Variants in GRIN2A observed in about 807,000 individuals in gnomAD.
GRIN2A encodes glutamate ionotropic receptor NMDA type subunit 2A.
A neutral mutation model predicts 113.4 loss-of-function variants in GRIN2A; 22 were observed. The ratio of observed to expected loss-of-function variants is 0.19; its 90% confidence interval spans 0.14 to 0.28. The LOEUF (loss-of-function observed/expected upper bound fraction) is 0.28, where lower values mean the gene tolerates loss of function less well. Among genes scored for constraint, GRIN2A ranks in the 10% least tolerant of loss-of-function variants. GRIN2A has a pLI of 1.00. For synonymous variants in GRIN2A, 827 were observed against 738.4 expected, an observed-to-expected ratio of 1.12 and a Z score of -1.94; for missense variants, 1,502 against 1,887.0, an observed-to-expected ratio of 0.80 and a Z score of 3.78.
At chr16:9,974,176 T>A (rs2045730356) in intron 2 of GRIN2A, among the ~76,000 whole-genome samples, 1 of 152,108 alleles carries the variant, frequency 6.6e-6, no homozygotes, top group Admixed American at 6.5e-5. Context: ...ACAGGCCCTC[T>A]CACATTGTTT....
intron 11 of GRIN2A, among the ~76,000 whole-genome samples, chr16:9,769,927 T>A (rs1337747818): frequency 1.3e-5 from 2 of 152,184 alleles, no homozygotes; most frequent in Non-Finnish European, 2.9e-5. Flanking sequence ...AAACTTTAAT[T>A]GAAAAGAGAC....
rs1306871272 is a variant in GRIN2A, at chr16:9,973,352, C to A, written c.415-34801G>T. 2.0e-5 allele frequency among the ~76,000 whole-genome samples: 3 copies of A among 152,184 alleles called. No individual in the cohort carries two copies. The East Asian group carries it at 5.8e-4, about 29-fold the overall frequency. The stretch of plus-strand genomic sequence containing the variant: ...TTTCTCTGAAGGTTATTTTGGCCTA[C>A]ACCTCCGCCCAGGAAAAACAAGGAC... On this transcript the variant is annotated intron_variant, in intron 2 of 12. Coordinates refer to ENST00000330684, the MANE Select transcript of GRIN2A (RefSeq NM_001134407.3).
intron 5 of GRIN2A, among the ~76,000 whole-genome samples, chr16:9,847,601 A>T (rs998072841): frequency 1.3e-5 from 2 of 151,210 alleles, no homozygotes; most frequent in African/African-American, 4.8e-5. Context: ...TATTTTTAAC[A>T]CATAAAAATA....
At chr16:10,043,666 C>A (rs2047205494) in intron 2 of GRIN2A, among the ~76,000 whole-genome samples, 1 of 152,044 alleles carries the variant, frequency 6.6e-6, no homozygotes, top group African/African-American at 2.4e-5. Context: ...TACTGATAAC[C>A]AGAACCACAC....
At chr16:9,776,229 A>C (rs1362319) in intron 11 of GRIN2A, among the ~76,000 whole-genome samples, 54,057 of 151,256 alleles carry the variant, frequency 0.36, 10,968 homozygotes, top group East Asian at 0.55. Flanking sequence ...CCCTGAAGGC[A>C]CAGGAATGTA....
At chr16:9,775,607 A>T (rs1901546906) in intron 11 of GRIN2A, among the ~76,000 whole-genome samples, 1 of 152,236 alleles carries the variant, frequency 6.6e-6, no homozygotes, top group Non-Finnish European at 1.5e-5. Context: ...AGAGCAGTTC[A>T]GGATTTCTGG....
intron 3 of GRIN2A, among the ~76,000 whole-genome samples, chr16:9,893,442 G>A (rs2043737753): frequency 6.6e-6 from 1 of 151,940 alleles, no homozygotes; most frequent in Non-Finnish European, 1.5e-5. Context: ...TCACTTCCTA[G>A]AAAGGTTTTT....
At chr16:10,060,438 G>A (rs1013084186) in intron 2 of GRIN2A, among the ~76,000 whole-genome samples, 1 of 152,148 alleles carries the variant, frequency 6.6e-6, no homozygotes, top group South Asian at 2.1e-4. Flanking sequence ...CCTACTTAGG[G>A]TTCCTCCGCT....
chr16:10,084,631 G>A (rs1379608731), intron 2 of GRIN2A, among the ~76,000 whole-genome samples: 1 of 152,074 alleles, frequency 6.6e-6, no homozygotes, highest in African/African-American at 2.4e-5. Context: ...TTCTCAGCTG[G>A]TGTCATCTCC....
At position 9,759,788 on chromosome 16, in the gene GRIN2A, C is replaced by T. The variant is rs957422522; in HGVS notation, c.*3361G>A. 1.3e-5 allele frequency: 3 copies of T among 228,566 alleles called. No homozygotes were observed. Among genetic ancestry groups the T allele is most frequent in the East Asian group, 1.3e-4 (2 of 15,964 alleles). The allele number at this position is 228,566 out of a possible 1,614,324, so 14.2% of individuals were successfully genotyped here. ...AAGTCTCTCTGGCAGAAAGATAGAC[C>T]TATAGGGACTTGCCAGCTCAGAGCA... On this transcript the variant is annotated 3_prime_UTR_variant, in exon 13 of 13. Coordinates refer to ENST00000330684, the MANE Select transcript of GRIN2A (RefSeq NM_001134407.3).
chr16:10,146,511 T>C (rs554892509), intron 2 of GRIN2A, among the ~76,000 whole-genome samples: 1 of 152,128 alleles, frequency 6.6e-6, no homozygotes, highest in South Asian at 2.1e-4. Flanking sequence ...CATCTTCATC[T>C]CCCACTGAGA....
intron 7 of GRIN2A, among the ~76,000 whole-genome samples, chr16:9,839,991 A>C (rs1336530337): frequency 6.6e-6 from 1 of 152,096 alleles, no homozygotes; most frequent in East Asian, 1.9e-4. Context: ...GGTGGTGGGC[A>C]CCTATAATCC....
chr16:9,760,501 C>T lies in GRIN2A; in HGVS notation c.*2648G>A, dbSNP rs1567272317. On this transcript the variant is annotated 3_prime_UTR_variant, in exon 13 of 13. Coordinates refer to ENST00000330684, the MANE Select transcript of GRIN2A (RefSeq NM_001134407.3). ...TGATTATTTATTTGAAAAAACACTT[C>T]GGTCAGTGAAAAGAATATATATTTT... 2 of 205,486 alleles carry T rather than the reference C, an allele frequency of 9.7e-6. No individual in the cohort carries two copies. Among genetic ancestry groups the T allele is most frequent in the Non-Finnish European group, 1.9e-5 (2 of 103,668 alleles). 12.7% of individuals were successfully genotyped at this position (205,486 alleles called of 1,614,324 possible).
intron 4 of GRIN2A, among the ~76,000 whole-genome samples, chr16:9,878,379 T>C (rs995584801): frequency 2.0e-5 from 3 of 152,264 alleles, no homozygotes; most frequent in Non-Finnish European, 4.4e-5. Flanking sequence ...CTGGCATCTA[T>C]GTGTCAGTGT....
chr16:9,852,179 G>A (rs1277922460), intron 4 of GRIN2A, among the ~76,000 whole-genome samples: 2 of 152,196 alleles, frequency 1.3e-5, no homozygotes, highest in Non-Finnish European at 2.9e-5. Context: ...GAGAGGTTAT[G>A]TGACTTGCAC....
Position 9,889,011 on chromosome 16 carries a change from T to C in GRIN2A, c.1122+1975A>G, listed in dbSNP as rs77987099. Among the ~76,000 whole-genome samples the C allele has an allele frequency of 4.1e-3, 624 of 152,286 alleles. 32 individuals are homozygous for C. In the East Asian group the frequency reaches 0.11, roughly 26 times the overall value. ...TATTACATTATGATTAGTAACATAT[T>C]GAAAAACTTTGTATAGAGTGCTGTT... On this transcript the variant is annotated intron_variant, in intron 4 of 12. Coordinates refer to ENST00000330684, the MANE Select transcript of GRIN2A (RefSeq NM_001134407.3).
At chr16:9,813,267 GAAAAGCA>G in intron 10 of GRIN2A, among the ~76,000 whole-genome samples, 1 of 152,250 alleles carries the variant, frequency 6.6e-6, no homozygotes, top group South Asian at 2.1e-4. Context: ...CTTTAATTGA[GAAAAGCA>G]AAACAAATTT....
At chr16:10,164,770 T>G (rs1000417452) in intron 2 of GRIN2A, among the ~76,000 whole-genome samples, 2 of 152,200 alleles carry the variant, frequency 1.3e-5, no homozygotes, top group Admixed American at 1.3e-4. Flanking sequence ...ATGAGAAATA[T>G]CAAAGCAGTT....
chr16:10,038,640 G>C (rs985604130), intron 2 of GRIN2A, among the ~76,000 whole-genome samples: 1 of 151,902 alleles, frequency 6.6e-6, no homozygotes, highest in Non-Finnish European at 1.5e-5. Flanking sequence ...TCAGGAGATA[G>C]AGATCATCCT....
Sources: allele counts gnomAD v4.1 joint callset (sites outside exome capture counted in the v4.1 genomes callset), GRCh38; gene constraint gnomAD v4.1.1; transcripts MANE v1.5; gene names NCBI Gene and HGNC (gene_info 2026-07-23, HGNC 2026-07-21).